Variants in COPS7B observed in about 807,000 individuals in gnomAD.
COPS7B encodes COP9 signalosome subunit 7B, also known as COP9 signalosome complex subunit 7b.
Under a neutral mutation model 33.4 loss-of-function variants are expected in COPS7B, and 9 were observed. That is an observed-to-expected ratio of 0.27 (90% CI 0.16 to 0.47). COPS7B has a LOEUF of 0.47. COPS7B is among the 20% of genes least tolerant of loss of function. The pLI, the probability that COPS7B is intolerant of heterozygous loss-of-function variation, is 0.99. For missense variants in COPS7B, 242 were observed against 318.2 expected, an observed-to-expected ratio of 0.76 and a Z score of 1.82; for synonymous variants, 119 against 126.3, an observed-to-expected ratio of 0.94 and a Z score of 0.39.
At chr2:231,793,583 TTCTC>T (rs2049482026) in intron 3 of COPS7B, 1 of 152,210 alleles carries the variant, frequency 6.6e-6, no homozygotes, top group Non-Finnish European at 1.5e-5. Context: ...TTTTGCCTCT[TTCTC>T]AAGGCTCAAC....
chr2:231,787,674 T>G (rs915979844), intron 1 of COPS7B, among the ~76,000 whole-genome samples: 4 of 152,190 alleles, frequency 2.6e-5, no homozygotes, highest in Non-Finnish European at 5.9e-5. Context: ...ACAGCATGTA[T>G]GTTCTTAGTT....
In COPS7B at chr2:231,797,239, C is replaced by T. The variant is rs549582191; in HGVS notation, c.530+931C>T. Among the ~76,000 whole-genome samples, 103 of 152,208 alleles carry T rather than the reference C, an allele frequency of 6.8e-4. 1 individual carries two copies. Among genetic ancestry groups the T allele is most frequent in the Admixed American group, 1.7e-3 (26 of 15,284 alleles). On this transcript the variant is annotated intron_variant, in intron 5 of 6. Coordinates refer to ENST00000350033, the MANE Select transcript of COPS7B (RefSeq NM_022730.4). ...GAGAGGAGCAGTGCCACTTTGACTCCTTGGGGCCTGATGTCCCCTGAGTTT... is the reference window on the plus strand; with the variant it reads ...GAGAGGAGCAGTGCCACTTTGACTCTTTGGGGCCTGATGTCCCCTGAGTTT...
At chr2:231,797,025 G>A (rs1172107202) in intron 5 of COPS7B, among the ~76,000 whole-genome samples, 1 of 152,250 alleles carries the variant, frequency 6.6e-6, no homozygotes, top group Admixed American at 6.5e-5. Context: ...AAGCCAGATG[G>A]ACTGATTGGA....
intron 2 of COPS7B, chr2:231,790,754 C>T (rs1271966391): frequency 3.7e-5 from 5 of 135,348 alleles, no homozygotes; most frequent in Admixed American, 8.0e-5. Flanking sequence ...TTTTTTGAGA[C>T]GGAGTCTCGC....
chr2:231,797,686 G>A (rs1475831764), intron 5 of COPS7B, among the ~76,000 whole-genome samples: 1 of 152,160 alleles, frequency 6.6e-6, no homozygotes, highest in Non-Finnish European at 1.5e-5. Context: ...TAGGCTGAGG[G>A]CTACCACATA....
In COPS7B at chr2:231,807,479, C is replaced by A. The variant is rs765223778; in HGVS notation, c.637-8C>A. 6.2e-7 allele frequency: 1 copy of A among 1,608,950 alleles called. No individual in the cohort carries two copies. Among genetic ancestry groups the A allele is most frequent in the Non-Finnish European group, 8.5e-7 (1 of 1,177,270 alleles). On this transcript the variant is annotated splice_region_variant and splice_polypyrimidine_tract_variant and intron_variant, in intron 6 of 6. Coordinates refer to ENST00000350033, the MANE Select transcript of COPS7B (RefSeq NM_022730.4). ...GCTGAGCACTCCAATTCTATATCTC[C>A]CCACCAGGTTACCAACATCAAGAAG...
rs2049570748 is a variant in COPS7B at position 231,796,373 on chromosome 2, A to T, written c.530+65A>T. The T allele has an allele frequency of 2.0e-6, 3 of 1,488,804 alleles. No individual in the cohort carries two copies. The South Asian group carries it at 3.5e-5, about 18-fold the overall frequency. The allele number at this position is 1,488,804 out of a possible 1,614,324, so 92.2% of individuals were successfully genotyped here. ...TTGTGCCTCTCCTTGCAAAAATGTG[A>T]TTCCCTGGTGTCAGCTGAGGGTTTG... On this transcript the variant is annotated intron_variant, in intron 5 of 6. Transcript: ENST00000350033.
At chr2:231,799,561 G>C (rs1314925713) in intron 6 of COPS7B, among the ~76,000 whole-genome samples, 1 of 152,198 alleles carries the variant, frequency 6.6e-6, no homozygotes. Flanking sequence ...GTGACACCTG[G>C]TTGTTGAGGA....
rs1207815007 is a variant in COPS7B at position 231,808,369 on chromosome 2, T to C, written c.*724T>C. On this transcript the variant is annotated 3_prime_UTR_variant, in exon 7 of 7. Coordinates refer to ENST00000350033, the MANE Select transcript of COPS7B (RefSeq NM_022730.4). ...TTCCTTCCGGCTTGGCGTTCTCTCC[T>C]GGCCACTCTTCCTGCTGCCTCTGAC... is the stretch of plus-strand genomic sequence containing the variant. 3 of 463,422 alleles carry C rather than the reference T, an allele frequency of 6.5e-6. No homozygotes were observed. Among genetic ancestry groups the C allele is most frequent in the African/African-American group, 4.0e-5 (2 of 49,934 alleles). 28.7% of individuals were successfully genotyped at this position (463,422 alleles called of 1,614,324 possible). A position where few individuals can be genotyped will look rare whatever the true frequency, so the allele number is the denominator to read the frequency against.
intron 3 of COPS7B, chr2:231,794,056 C>G (rs970529679): frequency 3.7e-6 from 2 of 539,078 alleles, no homozygotes; most frequent in South Asian, 2.5e-5. Flanking sequence ...GGAGACTAAA[C>G]TCTGTGTTTG....
At chr2:231,795,261 C>T (rs1417925418) in intron 4 of COPS7B, among the ~76,000 whole-genome samples, 2 of 152,056 alleles carry the variant, frequency 1.3e-5, no homozygotes, top group Admixed American at 6.6e-5. Flanking sequence ...AAGGGTCTCA[C>T]CATGTTGCCT....
rs191108216 is a variant in COPS7B, at chr2:231,791,857, A to G, written c.238+49A>G. The stretch of plus-strand genomic sequence containing the variant: ...AAGACTTGTGTTAATTATGTTGCTC[A>G]GTTTGGAAGACCATCAAGGTTTGAG... On this transcript the variant is annotated intron_variant, in intron 3 of 6. Coordinates refer to ENST00000350033, the MANE Select transcript of COPS7B (RefSeq NM_022730.4). 4,599 of 1,505,430 alleles carry G rather than the reference A, an allele frequency of 3.1e-3. 11 individuals carry two copies. The highest frequency in any genetic ancestry group is 3.9e-3 in the Non-Finnish European group (4,202 of 1,081,200). 93.3% of individuals were successfully genotyped at this position (1,505,430 alleles called of 1,614,324 possible).
intron 6 of COPS7B, among the ~76,000 whole-genome samples, chr2:231,805,813 T>TTG (rs962414993): frequency 1.2e-5 from 1 of 86,934 alleles, no homozygotes; most frequent in Non-Finnish European, 2.7e-5. Flanking sequence ...TGGCTAAAAT[T>TTG]TTTTTTTTTT....
chr2:231,784,976 A>G (rs2049204035), upstream of COPS7B, among the ~76,000 whole-genome samples: 1 of 152,104 alleles, frequency 6.6e-6, no homozygotes. Flanking sequence ...ATGCCCAGCT[A>G]ATTTTTGTAT....
chr2:231,795,452 G>A (rs2049540215), intron 4 of COPS7B, among the ~76,000 whole-genome samples: 1 of 152,162 alleles, frequency 6.6e-6, no homozygotes, highest in Non-Finnish European at 1.5e-5. Context: ...CATTTCAGGT[G>A]GGAGGCCTAT....
intron 3 of COPS7B, 32 bp from the exon 4 acceptor site, chr2:231,794,231 T>C (rs2049501146): frequency 1.3e-6 from 2 of 1,582,308 alleles, no homozygotes; most frequent in Non-Finnish European, 1.7e-6. Flanking sequence ...TTATTTTGTG[T>C]CTTGATTTTT....
upstream of COPS7B, chr2:231,786,299 C>A: frequency 3.1e-6 from 1 of 323,766 alleles, no homozygotes; most frequent in Non-Finnish European, 4.5e-6. Flanking sequence ...GACTCTTCCC[C>A]GCCCCCTCGC....
intron 3 of COPS7B, among the ~76,000 whole-genome samples, chr2:231,792,572 G>A (rs2049448923): frequency 6.6e-6 from 1 of 152,162 alleles, no homozygotes; most frequent in Non-Finnish European, 1.5e-5. Flanking sequence ...CCTTATGTTT[G>A]TGTTTTGTAT....
intron 4 of COPS7B, among the ~76,000 whole-genome samples, chr2:231,794,744 C>G (rs1051497449): frequency 4.6e-5 from 7 of 152,106 alleles, no homozygotes; most frequent in Non-Finnish European, 7.4e-5. Context: ...CTATGTCGGA[C>G]TTGCTAGATT....
Sources: gnomAD v4.1 joint callset for allele counts (sites outside exome capture counted in the v4.1 genomes callset) on GRCh38, gnomAD v4.1.1 for gene constraint, MANE v1.5 for transcripts, NCBI Gene and HGNC (gene_info 2026-07-23, HGNC 2026-07-21) for gene names.